The following SLC30A8 variants were observed in gnomAD, a reference collection of about 807,000 sequenced individuals.
SLC30A8 encodes solute carrier family 30 member 8.
In SLC30A8, 27 loss-of-function variants were observed where a neutral mutation model predicts 36.9. The observed-to-expected ratio is 0.73, with a 90% CI of 0.54 to 1.01. SLC30A8 has a LOEUF of 1.01. SLC30A8 is among the 50% of genes least tolerant of loss of function. The pLI is 0.00. For synonymous variants in SLC30A8, 164 were observed against 172.4 expected, an observed-to-expected ratio of 0.95 and a Z score of 0.38; for missense variants, 439 against 452.0, an observed-to-expected ratio of 0.97 and a Z score of 0.26.
At chr8:116,999,130 A>T (rs1486686629) in intron 1 of SLC30A8, among the ~76,000 whole-genome samples, 2 of 152,084 alleles carry the variant, frequency 1.3e-5, no homozygotes, top group Non-Finnish European at 2.9e-5. Flanking sequence ...ATGATGGCGC[A>T]TGTTTGTAAT....
chr8:117,119,681 AGGAGACAGAGAGTTTTG>A lies in SLC30A8; in HGVS notation c.-225-15593_-225-15577del, dbSNP rs375770694. ...AACGCCTTATCCTTAAAACCCTTGC[AGGAGACAGAGAGTTTTG>A]GGAGATGGTAGAAGCTATAGTAGTA... On this transcript the variant is annotated intron_variant, in intron 2 of 10. Coordinates refer to the SLC30A8 transcript ENST00000427715. 2.7e-3 allele frequency among the ~76,000 whole-genome samples: 417 copies of A among 152,070 alleles called. 4 individuals are homozygous for A. Among genetic ancestry groups the A allele is most frequent in the African/African-American group, 9.3e-3 (386 of 41,550 alleles).
chr8:116,972,858 C>G (rs1814838213), intron 1 of SLC30A8, among the ~76,000 whole-genome samples: 1 of 152,128 alleles, frequency 6.6e-6, no homozygotes, highest in Non-Finnish European at 1.5e-5. Context: ...AGTAAAAAAG[C>G]CCTCTAATTT....
chr8:117,051,706 G>A (rs1027854873), intron 2 of SLC30A8, among the ~76,000 whole-genome samples: 17 of 152,024 alleles, frequency 1.1e-4, no homozygotes, highest in Non-Finnish European at 2.2e-4. Context: ...CCAGCTACTC[G>A]GGAGACTGAG....
intron 2 of SLC30A8, among the ~76,000 whole-genome samples, chr8:117,044,949 C>T (rs1014131448): frequency 2.0e-5 from 3 of 152,172 alleles, no homozygotes; most frequent in Admixed American, 2.0e-4. Flanking sequence ...TTGTGCTTCT[C>T]GTGGCTCCAT....
At chr8:117,090,729 T>C (rs1819081655) in intron 2 of SLC30A8, among the ~76,000 whole-genome samples, 1 of 152,218 alleles carries the variant, frequency 6.6e-6, no homozygotes, top group South Asian at 2.1e-4. Flanking sequence ...ATTCATTCCA[T>C]AGCAGAGCCA....
At chr8:116,980,205 C>CT (rs1055000862) in intron 1 of SLC30A8, among the ~76,000 whole-genome samples, 4 of 152,080 alleles carry the variant, frequency 2.6e-5, no homozygotes, top group South Asian at 2.1e-4. Context: ...TGATGCATCA[C>CT]TTTTTTTGGT....
intron 7 of SLC30A8, among the ~76,000 whole-genome samples, chr8:117,172,276 G>C (rs1823420588): frequency 6.6e-6 from 1 of 152,100 alleles, no homozygotes; most frequent in Non-Finnish European, 1.5e-5. Flanking sequence ...TCCATAGTAA[G>C]CTCCTAGGAA....
intron 1 of SLC30A8, among the ~76,000 whole-genome samples, chr8:117,005,242 T>G (rs924558590): frequency 1.3e-5 from 2 of 151,926 alleles, no homozygotes; most frequent in African/African-American, 2.4e-5. Flanking sequence ...GTAGATTTTT[T>G]ATTCTGGTCT....
chr8:117,097,106 A>T (rs1054150941), intron 2 of SLC30A8, among the ~76,000 whole-genome samples: 1 of 151,904 alleles, frequency 6.6e-6, no homozygotes, highest in Non-Finnish European at 1.5e-5. Context: ...TTTAAAACTT[A>T]TATAAGTTCT....
intron 2 of SLC30A8, among the ~76,000 whole-genome samples, chr8:117,120,815 G>T (rs1048691569): frequency 4.2e-4 from 64 of 151,780 alleles, no homozygotes; most frequent in Admixed American, 3.7e-3. Flanking sequence ...TAAAAAAGGG[G>T]CAAAGGGCTT....
chr8:117,037,237 T>C (rs961901352), intron 1 of SLC30A8, among the ~76,000 whole-genome samples: 6 of 152,192 alleles, frequency 3.9e-5, no homozygotes, highest in African/African-American at 1.2e-4. Flanking sequence ...GCATTCTCTG[T>C]AGCTCAGATT....
chr8:117,025,303 C>G, intron 1 of SLC30A8, among the ~76,000 whole-genome samples: 1 of 148,768 alleles, frequency 6.7e-6, no homozygotes, highest in East Asian at 2.0e-4. Flanking sequence ...TAAATAAAAT[C>G]AGTTTTTTTA....
At position 117,147,053 on chromosome 8, in the gene SLC30A8, C is replaced by T. The variant is rs745627696; in HGVS notation, c.171C>T (p.Ser57=). The T allele has an allele frequency of 1.9e-6, 3 of 1,614,008 alleles. No homozygotes were observed. Among genetic ancestry groups the T allele is most frequent in the Admixed American group, 1.7e-5 (1 of 60,006 alleles). The change falls in exon 2 of 8, where the codon TCC becomes TCT. Residue 57 remains serine (S), a synonymous_variant. Transcript: ENST00000456015. ...GCATGTACCACTGCCACAGTGGCTC[C>T]AAGCCCACAGAAAAGGGGGCGAATG... ...SGGMYHCHSG[S]KPTEKGANEY...
At chr8:117,098,749 T>C (rs1011491338) in intron 2 of SLC30A8, among the ~76,000 whole-genome samples, 1 of 152,154 alleles carries the variant, frequency 6.6e-6, no homozygotes, top group Non-Finnish European at 1.5e-5. Flanking sequence ...TTGGTAATAC[T>C]GTTCTTAGAG....
At chr8:117,106,561 C>CAT (rs1820004268) in intron 2 of SLC30A8, among the ~76,000 whole-genome samples, 1 of 152,094 alleles carries the variant, frequency 6.6e-6, no homozygotes, top group African/African-American at 2.4e-5. Context: ...GATGAGGACT[C>CAT]AGAGGTCATA....
In SLC30A8 at chr8:117,172,954, G is replaced by T. The variant is rs1391921467; in HGVS notation, c.*273G>T. 6 of 391,858 alleles carry T rather than the reference G, an allele frequency of 1.5e-5. No homozygotes were observed. Among genetic ancestry groups the T allele is most frequent in the Non-Finnish European group, 2.7e-5 (6 of 218,554 alleles). 24.3% of individuals were successfully genotyped at this position (391,858 alleles called of 1,614,324 possible). ...AGTGGAGCCGAAGTAACAGCTGTTT[G>T]TAACTATCGGCAATACCAAATTCAT... On this transcript the variant is annotated 3_prime_UTR_variant, in exon 8 of 8. Coordinates refer to ENST00000456015, the MANE Select transcript of SLC30A8 (RefSeq NM_173851.3).
chr8:117,119,256 C>G (rs546338390), intron 2 of SLC30A8, among the ~76,000 whole-genome samples: 1 of 152,000 alleles, frequency 6.6e-6, no homozygotes, highest in South Asian at 2.1e-4. Flanking sequence ...CTTTGGCTGT[C>G]GTCTTCAACA....
intron 1 of SLC30A8, among the ~76,000 whole-genome samples, chr8:117,137,466 A>G (rs986762167): frequency 1.3e-5 from 2 of 152,000 alleles, no homozygotes; most frequent in African/African-American, 4.8e-5. Flanking sequence ...CTACCCCAAG[A>G]TGTAGTGGCT....
chr8:117,077,382 C>G (rs1387963462), intron 2 of SLC30A8, among the ~76,000 whole-genome samples: 1 of 152,196 alleles, frequency 6.6e-6, no homozygotes, highest in Non-Finnish European at 1.5e-5. Flanking sequence ...GTATAGGCAT[C>G]TCTGTGCTTA....
Sources: allele counts gnomAD v4.1 joint callset (sites outside exome capture counted in the v4.1 genomes callset), GRCh38; gene constraint gnomAD v4.1.1; transcripts MANE v1.5; gene names NCBI Gene and HGNC (gene_info 2026-07-23, HGNC 2026-07-21).